SLC45A2: variants seen among roughly 807,000 people sequenced by gnomAD.
SLC45A2 encodes membrane-associated transporter protein.
SLC45A2 carries 36 observed loss-of-function variants against 45.5 expected under a neutral mutation model. The observed-to-expected ratio is 0.79, with a 90% CI of 0.61 to 1.04. The LOEUF is 1.04. Among genes scored for constraint, SLC45A2 ranks in the 50% least tolerant of loss-of-function variants. The probability of loss-of-function intolerance (pLI) is 0.00; values close to 1 mark genes in which losing one functional copy is unlikely to be tolerated. For synonymous variants in SLC45A2, 306 were observed against 269.3 expected, an observed-to-expected ratio of 1.14 and a Z score of -1.33; for missense variants, 719 against 671.0, an observed-to-expected ratio of 1.07 and a Z score of -0.79.
intron 2 of SLC45A2, among the ~76,000 whole-genome samples, chr5:33,968,388 G>A (rs1561366920): frequency 6.6e-6 from 1 of 152,146 alleles, no homozygotes; most frequent in Non-Finnish European, 1.5e-5. Context: ...CAATCACCAG[G>A]CTATTGGGCA....
chr5:33,979,099 T>C (rs1408209868), intron 2 of SLC45A2, among the ~76,000 whole-genome samples: 2 of 152,214 alleles, frequency 1.3e-5, no homozygotes, highest in African/African-American at 4.8e-5. Flanking sequence ...ATGAAGACCA[T>C]GGCCTGTGAC....
chr5:33,954,850 CT>C (rs1477720151), intron 3 of SLC45A2, among the ~76,000 whole-genome samples: 1 of 152,128 alleles, frequency 6.6e-6, no homozygotes, highest in African/African-American at 2.4e-5. Flanking sequence ...CATAAGCCAG[CT>C]CTTAGATGAT....
intron 1 of SLC45A2, among the ~76,000 whole-genome samples, chr5:33,982,677 G>A (rs914103689): frequency 1.3e-5 from 2 of 152,070 alleles, no homozygotes; most frequent in Non-Finnish European, 2.9e-5. Flanking sequence ...GACTATTGAT[G>A]GTAATGGGTT....
intron 2 of SLC45A2, chr5:33,970,910 G>T (rs111347800): frequency 7.8e-6 from 3 of 382,328 alleles, no homozygotes; most frequent in African/African-American, 4.2e-5. Flanking sequence ...GCAAGAAGCT[G>T]CCAGAGTGCA....
At chr5:33,945,809 A>G (rs1751904555) in intron 6 of SLC45A2, 2 of 388,542 alleles carry the variant, frequency 5.1e-6, no homozygotes, top group South Asian at 1.1e-4. Context: ...AAAAAAAAGC[A>G]TTATGCTGAA....
intron 3 of SLC45A2, among the ~76,000 whole-genome samples, chr5:33,955,370 A>G (rs562123834): frequency 1.3e-5 from 2 of 152,318 alleles, no homozygotes; most frequent in South Asian, 4.2e-4. Flanking sequence ...TCAACCTTGT[A>G]AGACCCTGTG....
chr5:33,984,592 G>C lies in SLC45A2; in HGVS notation c.-9C>G. Reference sequence around the variant, plus strand: ...CCACTGTTGCTACCCATGGCCACTGGGAGAGGAACCTTCCTGCGAGCCCAC... The same window carrying C: ...CCACTGTTGCTACCCATGGCCACTGCGAGAGGAACCTTCCTGCGAGCCCAC... On this transcript the variant is annotated 5_prime_UTR_variant, in exon 1 of 7. Coordinates refer to ENST00000296589, the MANE Select transcript of SLC45A2 (RefSeq NM_016180.5). 6.2e-7 allele frequency: 1 copy of C among 1,608,500 alleles called. No homozygotes were observed. Among genetic ancestry groups the C allele is most frequent in the Non-Finnish European group, 8.5e-7 (1 of 1,179,998 alleles).
At chr5:33,971,434 T>G in intron 2 of SLC45A2, 1 of 436,466 alleles carries the variant, frequency 2.3e-6, no homozygotes, top group South Asian at 1.8e-5. Flanking sequence ...ACTGCAACTT[T>G]TTTCCTTTTT....
chr5:33,956,412 C>CAAAGCA (rs1392999141), intron 3 of SLC45A2, among the ~76,000 whole-genome samples: 5 of 151,924 alleles, frequency 3.3e-5, no homozygotes, highest in Non-Finnish European at 5.9e-5. Context: ...TTGGTCCAGT[C>CAAAGCA]AAAGCAAAAG....
chr5:33,956,311 CA>C (rs1418102966), intron 3 of SLC45A2, among the ~76,000 whole-genome samples: 1 of 152,026 alleles, frequency 6.6e-6, no homozygotes, highest in East Asian at 1.9e-4. Flanking sequence ...AACATTTCTT[CA>C]AAAAGTTGTA....
intron 3 of SLC45A2, among the ~76,000 whole-genome samples, chr5:33,958,721 T>A (rs1445274427): frequency 6.6e-6 from 1 of 152,128 alleles, no homozygotes; most frequent in East Asian, 1.9e-4. Context: ...TCATTCAGAG[T>A]CTACAACATT....
Position 33,944,799 on chromosome 5 carries a change from C to T in SLC45A2, c.1442G>A (p.Cys481Tyr). The change falls in exon 7 of 7, where the codon TGC (cysteine) becomes TAC (tyrosine). Residue 481 changes from cysteine to tyrosine, a missense_variant. Coordinates refer to ENST00000296589, the MANE Select transcript of SLC45A2 (RefSeq NM_016180.5). ...CAGGATCTGAGCCAGCTGCACCATGCATGTGAGGGTGGCGCAGTCCATGCC... is the reference window on the plus strand; with the variant it reads ...CAGGATCTGAGCCAGCTGCACCATGTATGTGAGGGTGGCGCAGTCCATGCC... The part of the protein sequence containing the change: ...GKGMDCATLT[C>Y]MVQLAQILVG... 2 of 1,614,204 alleles carry T rather than the reference C, an allele frequency of 1.2e-6. No homozygotes were observed. The highest frequency in any genetic ancestry group is 8.5e-7 in the Non-Finnish European group (1 of 1,180,020).
intron 2 of SLC45A2, chr5:33,972,426 A>T (rs35415): frequency 6.0e-6 from 2 of 333,238 alleles, no homozygotes; most frequent in Non-Finnish European, 1.2e-5. Flanking sequence ...CCCCTTACAA[A>T]GTATGGTGAA....
chr5:33,951,021 G>A (rs1752080947), intron 5 of SLC45A2, among the ~76,000 whole-genome samples: 1 of 152,176 alleles, frequency 6.6e-6, no homozygotes, highest in Admixed American at 6.5e-5. Flanking sequence ...GGTAAGTGGA[G>A]GTTAAGAGGC....
chr5:33,957,538 G>C (rs1176133051), intron 3 of SLC45A2, among the ~76,000 whole-genome samples: 1 of 151,976 alleles, frequency 6.6e-6, no homozygotes, highest in Admixed American at 6.6e-5. Context: ...ACATCTCCCT[G>C]GATTGAAGGA....
chr5:33,945,453 A>T (rs1751890495), intron 6 of SLC45A2, among the ~76,000 whole-genome samples: 2 of 152,224 alleles, frequency 1.3e-5, no homozygotes, highest in South Asian at 4.1e-4. Context: ...CTTGATTAAT[A>T]TAATAATGTT....
In SLC45A2 at chr5:33,970,000, G is replaced by A. The variant is rs932663284; in HGVS notation, c.563-5984C>T. ...CTAAGTTGTAATGGCTCAGCACACC[G>A]TGAAGCGTTTTGCAAAATGCTTTAA... On this transcript the variant is annotated intron_variant, in intron 2 of 6. Transcript: ENST00000296589. 2.6e-5 allele frequency among the ~76,000 whole-genome samples: 4 copies of A among 152,182 alleles called. No homozygotes were observed. In the South Asian group the frequency reaches 6.2e-4, roughly 24 times the overall value.
rs1751935722 is a variant in SLC45A2 at position 33,946,604 on chromosome 5, GC to G, written c.1368+558del. On this transcript the variant is annotated intron_variant, in intron 6 of 6. Coordinates refer to ENST00000296589, the MANE Select transcript of SLC45A2 (RefSeq NM_016180.5). ...AATGGCACAGGTCCCGCTCAGGGCA[GC>G]AAAGTGGGGATTACCACCCATGATT... 11 of 1,004,336 alleles carry G rather than the reference GC, an allele frequency of 1.1e-5. No homozygotes were observed. The Admixed American group carries it at 5.8e-4, about 53-fold the overall frequency. The allele number at this position is 1,004,336 out of a possible 1,614,324, so 62.2% of individuals were successfully genotyped here.
At chr5:33,958,116 G>T (rs1464997760) in intron 3 of SLC45A2, among the ~76,000 whole-genome samples, 1 of 152,098 alleles carries the variant, frequency 6.6e-6, no homozygotes, top group Non-Finnish European at 1.5e-5. Context: ...AGCGAAAAAG[G>T]TACAGAGTCA....
Sources: gnomAD v4.1 joint callset for allele counts (sites outside exome capture counted in the v4.1 genomes callset) on GRCh38, gnomAD v4.1.1 for gene constraint, MANE v1.5 for transcripts, NCBI Gene and HGNC (gene_info 2026-07-23, HGNC 2026-07-21) for gene names.